Variants in GRM1 observed in about 807,000 individuals in gnomAD.
GRM1 encodes the protein glutamate metabotropic receptor 1.
Under a neutral mutation model 90.9 loss-of-function variants are expected in GRM1, and 33 were observed. That is an observed-to-expected ratio of 0.36 (90% CI 0.28 to 0.49). The LOEUF is 0.49. Among genes scored for constraint, GRM1 ranks in the 20% least tolerant of loss-of-function variants. GRM1 has a pLI of 0.99. For synonymous variants in GRM1, 700 were observed against 613.2 expected, an observed-to-expected ratio of 1.14 and a Z score of -2.09; for missense variants, 1,190 against 1,534.3, an observed-to-expected ratio of 0.78 and a Z score of 3.75.
At position 146,172,296 on chromosome 6, in the gene GRM1, C is replaced by T. The variant is rs947688244; in HGVS notation, c.950+12699C>T. The stretch of plus-strand genomic sequence containing the variant: ...TCCTCACACTGCCATCTCCCTTGTT[C>T]TCTCTTCTGTTTCCCTCTGCTACTG... On this transcript the variant is annotated intron_variant, in intron 2 of 7. Coordinates refer to ENST00000282753, the MANE Select transcript of GRM1 (RefSeq NM_001278064.2). Among the ~76,000 whole-genome samples the T allele has an allele frequency of 2.0e-5, 3 of 152,194 alleles. No homozygotes were observed. The East Asian group carries it at 5.8e-4, about 29-fold the overall frequency.
At chr6:146,424,697 C>G (rs1778133242) in intron 7 of GRM1, among the ~76,000 whole-genome samples, 1 of 152,180 alleles carries the variant, frequency 6.6e-6, no homozygotes, top group African/African-American at 2.4e-5. Context: ...CTGCCAGGGC[C>G]CCAGTTCCCA....
intron 2 of GRM1, among the ~76,000 whole-genome samples, chr6:146,210,485 A>G (rs963240400): frequency 2.6e-5 from 4 of 152,126 alleles, no homozygotes; most frequent in South Asian, 2.1e-4. Flanking sequence ...AACACAGACA[A>G]TTTAGTACGG....
In GRM1 at chr6:146,434,262, C is replaced by CCAG. The variant is rs763716800; in HGVS notation, c.3063_3065dup (p.Gln1022dup). 2.5e-6 allele frequency: 4 copies of CCAG among 1,599,362 alleles called. No homozygotes were observed. Among genetic ancestry groups the CCAG allele is most frequent in the Non-Finnish European group, 2.6e-6 (3 of 1,170,920 alleles). ...TCCCCAAGGGCTTGCCCCCTCCTCT[C>CCAG]CAGCAGCAGCAGCAACCCCCTCCAC... On this transcript the variant is annotated inframe_insertion, in exon 8 of 8. Coordinates refer to ENST00000282753, the MANE Select transcript of GRM1 (RefSeq NM_001278064.2).
chr6:146,144,635 T>G (rs958073747), intron 1 of GRM1, among the ~76,000 whole-genome samples: 6 of 152,156 alleles, frequency 3.9e-5, no homozygotes, highest in African/African-American at 9.7e-5. Flanking sequence ...CAACAGAAAA[T>G]TGGCACCAGG....
Position 146,434,516 on chromosome 6 carries a change from G to A in GRM1, c.3305G>A (p.Arg1102Lys). The A allele has an allele frequency of 3.1e-6, 5 of 1,614,130 alleles. No individual in the cohort carries two copies. Among genetic ancestry groups the A allele is most frequent in the East Asian group, 2.2e-5 (1 of 44,848 alleles). Residue 1102 changes from arginine (R) to lysine (K), a missense_variant, in exon 8 of 8, where the codon AGG becomes AAG. Around this residue, in one of 10 missense-constraint regions of GRM1, gnomAD observed 400 missense variants for 360.8 expected, o/e 1.11. Transcript: ENST00000282753. The stretch of plus-strand genomic sequence containing the variant: ...GCGGACGACGACGACGACAGCGAGA[G>A]GTTTAAGCTCCTCCAGGAGTACGTG... ...PPADDDDDSE[R>K]FKLLQEYVYE...
intron 5 of GRM1, among the ~76,000 whole-genome samples, chr6:146,368,261 G>T (rs13200195): frequency 0.4 from 34,474 of 87,012 alleles, 5,348 homozygotes; most frequent in Middle Eastern, 0.47. Flanking sequence ...GTTTTTTTTT[G>T]GGGGGGGGGG....
intron 5 of GRM1, among the ~76,000 whole-genome samples, chr6:146,366,668 T>A (rs975249359): frequency 2.6e-5 from 4 of 152,214 alleles, no homozygotes; most frequent in Admixed American, 2.0e-4. Context: ...AATAACAGGA[T>A]TTCATATACC....
chr6:146,380,118 C>T (rs919631312), intron 5 of GRM1, among the ~76,000 whole-genome samples: 2 of 152,036 alleles, frequency 1.3e-5, no homozygotes, highest in African/African-American at 4.8e-5. Context: ...TCCATGCTAC[C>T]TGTCTGCTCA....
rs147521426 is a variant in GRM1 at position 146,434,637 on chromosome 6, G to T, written c.3426G>T (p.Ser1142=). Residue 1142 remains serine (S), a synonymous_variant, in exon 8 of 8, where the codon TCG becomes TCT. Transcript: ENST00000282753. ...CCAGCAAACTGACCCCGGATGATTC[G>T]CCTGCGCTGACGCCTCCGTCGCCTT... ...QAASKLTPDD[S]PALTPPSPFR... 714 of 1,611,164 alleles carry T rather than the reference G, an allele frequency of 4.4e-4. 1 individual carries two copies. The highest frequency in any genetic ancestry group is 5.4e-4 in the Non-Finnish European group (640 of 1,180,020).
chr6:146,343,220 T>G (rs1785044494), intron 3 of GRM1, among the ~76,000 whole-genome samples: 1 of 152,196 alleles, frequency 6.6e-6, no homozygotes, highest in Non-Finnish European at 1.5e-5. Context: ...AGCGACATTC[T>G]CAAATATATA....
chr6:146,399,470 A>G lies in GRM1; in HGVS notation c.2431A>G (p.Lys811Glu). The G allele has an allele frequency of 1.2e-6, 2 of 1,614,174 alleles. No individual in the cohort carries two copies. The highest frequency in any genetic ancestry group is 1.7e-6 in the Non-Finnish European group (2 of 1,179,998). The change falls in exon 7 of 8, where the codon AAG becomes GAG. Residue 811 changes from lysine to glutamate, a missense_variant. Lys to Glu is a moderately conservative substitution (Grantham distance 56). Around this residue, in one of 10 missense-constraint regions of GRM1, gnomAD observed 73 missense variants for 150.6 expected, o/e 0.48. Coordinates refer to ENST00000282753, the MANE Select transcript of GRM1 (RefSeq NM_001278064.2). This position sits in a 1 kb window ranked among gnomAD's most constrained non-coding sequence, Gnocchi z 5.4. ...FVPIYFGSNY[K>E]IITTCFAVSL... ...GCCCATTTACTTTGGGAGCAACTAC[A>G]AGATCATCACAACTTGCTTTGCAGT...
At chr6:146,239,069 C>T (rs1268120142) in intron 2 of GRM1, among the ~76,000 whole-genome samples, 1 of 152,112 alleles carries the variant, frequency 6.6e-6, no homozygotes, top group Non-Finnish European at 1.5e-5. Flanking sequence ...AAATATCATG[C>T]CATTCTTCTA....
At chr6:146,235,556 G>T (rs1452179658) in intron 2 of GRM1, among the ~76,000 whole-genome samples, 1 of 151,834 alleles carries the variant, frequency 6.6e-6, no homozygotes, top group African/African-American at 2.4e-5. Context: ...TTTTTTCACA[G>T]ATTTTGAATA....
chr6:146,377,231 A>G (rs191293753), intron 5 of GRM1, among the ~76,000 whole-genome samples: 1 of 152,286 alleles, frequency 6.6e-6, no homozygotes, highest in East Asian at 1.9e-4. Flanking sequence ...GCAACTTTAG[A>G]ACTGGGTAAC....
Position 146,400,079 on chromosome 6 carries a change from T to C in GRM1, c.2660+380T>C, listed in dbSNP as rs115655125. Among the ~76,000 whole-genome samples, 769 of 152,340 alleles carry C rather than the reference T, an allele frequency of 5.0e-3. 6 individuals are homozygous for C. The highest frequency in any genetic ancestry group is 0.018 in the African/African-American group (735 of 41,576). On this transcript the variant is annotated intron_variant, in intron 7 of 7. Transcript: ENST00000282753. ...GCTGGGTCAGAGAGGCAAGCACTAA[T>C]TATAATGTCTAGTTCTGACCATGGT...
chr6:146,381,147 C>T (rs1275316265), intron 5 of GRM1, among the ~76,000 whole-genome samples: 2 of 152,316 alleles, frequency 1.3e-5, no homozygotes, highest in African/African-American at 2.4e-5. Flanking sequence ...AGTATGTTAT[C>T]TGCCCCCACC....
intron 1 of GRM1, among the ~76,000 whole-genome samples, chr6:146,066,772 G>C (rs929220974): frequency 4.8e-4 from 73 of 150,738 alleles, no homozygotes; most frequent in South Asian, 4.0e-3. Context: ...CAGGCAGAGA[G>C]AGAGAGAGAG....
chr6:146,079,989 T>C (rs1253835357), intron 1 of GRM1, among the ~76,000 whole-genome samples: 1 of 152,228 alleles, frequency 6.6e-6, no homozygotes, highest in Middle Eastern at 3.2e-3. Flanking sequence ...TTCAGAATTC[T>C]TCACTATAGG....
At chr6:146,293,267 T>C (rs1386485315) in intron 2 of GRM1, among the ~76,000 whole-genome samples, 1 of 152,016 alleles carries the variant, frequency 6.6e-6, no homozygotes, top group Non-Finnish European at 1.5e-5. Flanking sequence ...GTTGATGTTA[T>C]GTAAATTTCA....
Sources: allele counts gnomAD v4.1 joint callset (sites outside exome capture counted in the v4.1 genomes callset), GRCh38; gene constraint gnomAD v4.1.1; regional missense constraint gnomAD v4.1.1; non-coding constraint Gnocchi (gnomAD v3.1); transcripts MANE v1.5; gene names NCBI Gene and HGNC (gene_info 2026-07-23, HGNC 2026-07-21).